ZNF227: variants seen among roughly 807,000 people sequenced by gnomAD.
ZNF227 encodes the protein zinc finger protein 227.
In ZNF227, 12 loss-of-function variants were observed where a neutral mutation model predicts 13.2. The ratio of observed to expected loss-of-function variants is 0.91; its 90% CI spans 0.58 to 1.47. The LOEUF (loss-of-function observed/expected upper bound fraction) is 1.47. Ranked by LOEUF, ZNF227 falls within the 40% of genes most tolerant of loss-of-function variation. The pLI, the probability that ZNF227 is intolerant of heterozygous loss-of-function variation, is 0.00. For synonymous variants in ZNF227, 338 were observed against 326.0 expected, an observed-to-expected ratio of 1.04 and a Z score of -0.40; for missense variants, 885 against 967.5, an observed-to-expected ratio of 0.91 and a Z score of 1.13.
chr19:44,230,953 A>ATC (rs1568610112), intron 5 of ZNF227, among the ~76,000 whole-genome samples: 2 of 129,208 alleles, frequency 1.5e-5, no homozygotes, highest in African/African-American at 3.1e-5. Context: ...ATATATATAT[A>ATC]TCTTAGCCAG....
At chr19:44,217,164 G>A (rs899843502) in intron 2 of ZNF227, among the ~76,000 whole-genome samples, 6 of 151,910 alleles carry the variant, frequency 3.9e-5, no homozygotes, top group Admixed American at 6.6e-5. Context: ...AGGTTTTGCC[G>A]TGTTGGCCAG....
upstream of ZNF227, among the ~76,000 whole-genome samples, chr19:44,208,794 G>A (rs1002453449): frequency 1.3e-5 from 2 of 152,186 alleles, no homozygotes; most frequent in Admixed American, 6.5e-5. Flanking sequence ...GGTTTGGAAG[G>A]TGATCTGGGG....
intron 3 of ZNF227, among the ~76,000 whole-genome samples, chr19:44,220,303 G>A (rs528796067): frequency 1.3e-5 from 2 of 152,170 alleles, no homozygotes; most frequent in South Asian, 2.1e-4. Context: ...CCAGTAATGG[G>A]ATGGCTGGGT....
upstream of ZNF227, among the ~76,000 whole-genome samples, chr19:44,212,367 T>TC (rs1971419438): frequency 9.5e-6 from 1 of 104,808 alleles, no homozygotes; most frequent in African/African-American, 4.7e-5. Flanking sequence ...GCTCGCTCCG[T>TC]TTTTTTTTTT....
chr19:44,228,661 T>A (rs774918619), intron 4 of ZNF227, 89 bp downstream of exon 4: 1 of 1,353,760 alleles, frequency 7.4e-7, no homozygotes, highest in Admixed American at 2.8e-5. Context: ...CCTTTTAAAA[T>A]GGTTCTTTGC....
Position 44,236,129 on chromosome 19 carries a change from C to G in ZNF227, c.1699C>G (p.Gln567Glu). ...FSYSSNLKLH[Q>E]VIHTGEKPYK... ...TTATAGTTCAAATCTTAAACTACAC[C>G]AAGTAATTCACACTGGAGAAAAACC... Residue 567 changes from glutamine to glutamate, a missense_variant, in exon 6 of 6, where the codon CAA becomes GAA. Gln to Glu is a conservative substitution (Grantham distance 29). Transcript: ENST00000313040. 6.2e-7 allele frequency: 1 copy of G among 1,613,958 alleles called. No homozygotes were observed. The highest frequency in any genetic ancestry group is 8.5e-7 in the Non-Finnish European group (1 of 1,179,974).
chr19:44,234,880 G>A lies in ZNF227; in HGVS notation c.450G>A (p.Glu150=), dbSNP rs770283897. 6.2e-7 allele frequency: 1 copy of A among 1,613,382 alleles called. No homozygotes were observed. Among genetic ancestry groups the A allele is most frequent in the South Asian group, 1.1e-5 (1 of 90,776 alleles). ...QGDSIQVSEN[E]NNIMNPKGDS... is the part of the protein sequence containing the mutation. Reference sequence around the variant, plus strand: ...ACTCTATTCAGGTTTCTGAAAATGAGAACAATATAATGAACCCTAAAGGAG... The same window carrying A: ...ACTCTATTCAGGTTTCTGAAAATGAAAACAATATAATGAACCCTAAAGGAG... The change falls in exon 6 of 6, where the codon GAG becomes GAA. Residue 150 remains glutamate (E), a synonymous_variant. Coordinates refer to ENST00000313040, the MANE Select transcript of ZNF227 (RefSeq NM_182490.3).
At chr19:44,230,908 C>CAAAAAAAAAAA (rs561975781) in intron 5 of ZNF227, among the ~76,000 whole-genome samples, 1 of 57,110 alleles carries the variant, frequency 1.8e-5, no homozygotes, top group African/African-American at 1.5e-4. Context: ...TCCATCTCTA[C>CAAAAAAAAAAA]AAAAAAAAAA....
chr19:44,228,907 A>G (rs897169823), intron 4 of ZNF227: 1 of 357,078 alleles, frequency 2.8e-6, no homozygotes, highest in Non-Finnish European at 5.0e-6. Context: ...TGCACAGGAC[A>G]GTGCCCCCAA....
intron 3 of ZNF227, among the ~76,000 whole-genome samples, chr19:44,218,096 C>G (rs1972084542): frequency 2.0e-5 from 3 of 152,050 alleles, no homozygotes; most frequent in African/African-American, 2.4e-5. Flanking sequence ...TATGAACTAG[C>G]TTTTTTCATT....
Position 44,217,868 on chromosome 19 carries a change from C to T in ZNF227, c.60+16C>T, listed in dbSNP as rs763544516. 5 of 1,612,628 alleles carry T rather than the reference C, an allele frequency of 3.1e-6. No individual in the cohort carries two copies. The highest frequency in any genetic ancestry group is 4.2e-6 in the Non-Finnish European group (5 of 1,179,000). On this transcript the variant is annotated intron_variant, in intron 3 of 5. Coordinates refer to ENST00000313040, the MANE Select transcript of ZNF227 (RefSeq NM_182490.3). ...CAAGTTTCAGGTACGTAAAGGATTC[C>T]TTGCTGTCTTTTAAAATGTGATTTA...
intron 3 of ZNF227, among the ~76,000 whole-genome samples, chr19:44,220,864 TG>T (rs1444165215): frequency 6.6e-6 from 1 of 151,528 alleles, no homozygotes; most frequent in Non-Finnish European, 1.5e-5. Context: ...TGTGTCCATG[TG>T]TTCTCATTGT....
At chr19:44,224,169 G>A (rs1972850762) in intron 3 of ZNF227, among the ~76,000 whole-genome samples, 1 of 152,170 alleles carries the variant, frequency 6.6e-6, no homozygotes, top group African/African-American at 2.4e-5. Context: ...TACATTTGCT[G>A]AGGAGAGCTT....
intron 3 of ZNF227, chr19:44,227,156 T>C (rs912740363): frequency 3.3e-5 from 5 of 152,238 alleles, no homozygotes; most frequent in Non-Finnish European, 7.3e-5. Flanking sequence ...TTATTGAGCA[T>C]GTATGGTGTG....
upstream of ZNF227, among the ~76,000 whole-genome samples, chr19:44,208,802 G>C (rs1397680706): frequency 6.6e-6 from 1 of 152,078 alleles, no homozygotes; most frequent in East Asian, 1.9e-4. Context: ...AGGTGATCTG[G>C]GGCTTTAGAG....
Position 44,217,825 on chromosome 19 carries a change from G to A in ZNF227, c.33G>A (p.Lys11=). Residue 11 remains lysine, a synonymous_variant, in exon 3 of 6, where the codon AAG becomes AAA. Coordinates refer to ENST00000313040, the MANE Select transcript of ZNF227 (RefSeq NM_182490.3). MPSQNYDLPQ[K]KQEKMTKFQE... ...CTCAGAACTATGACCTTCCCCAGAA[G>A]AAGCAGGAGAAAATGACCAAGTTTC... is the stretch of plus-strand genomic sequence containing the variant. 3 of 1,614,228 alleles carry A rather than the reference G, an allele frequency of 1.9e-6. No individual in the cohort carries two copies. The highest frequency in any genetic ancestry group is 2.5e-6 in the Non-Finnish European group (3 of 1,180,034).
At chr19:44,232,704 G>A (rs1019994842) in intron 5 of ZNF227, among the ~76,000 whole-genome samples, 8 of 149,994 alleles carry the variant, frequency 5.3e-5, no homozygotes, top group East Asian at 3.9e-4. Flanking sequence ...GTCATGCTCC[G>A]TCGTCCAGGC....
chr19:44,217,394 T>A, intron 2 of ZNF227: 1 of 468,002 alleles, frequency 2.1e-6, no homozygotes, highest in South Asian at 1.5e-5. Context: ...CGATTTATGA[T>A]TCTTACCATA....
Position 44,236,639 on chromosome 19 carries a change from G to A in ZNF227, c.2209G>A (p.Val737Ile), listed in dbSNP as rs569068418. 1 of 1,613,864 alleles carries A rather than the reference G, an allele frequency of 6.2e-7. No homozygotes were observed. The highest frequency in any genetic ancestry group is 1.1e-5 in the South Asian group (1 of 91,062). Residue 737 changes from valine (V) to isoleucine (I), a missense_variant, in exon 6 of 6, where the codon GTT becomes ATT. Transcript: ENST00000313040. ...CTCAAATCTTCGAGTCCACCTGGGT[G>A]TTCACACCAGGGAAAAACTCTTTAA... is the stretch of plus-strand genomic sequence containing the variant. ...LPSNLRVHLG[V>I]HTREKLFKCE...
Sources: allele counts gnomAD v4.1 joint callset (sites outside exome capture counted in the v4.1 genomes callset), GRCh38; gene constraint gnomAD v4.1.1; transcripts MANE v1.5; gene names NCBI Gene and HGNC (gene_info 2026-07-23, HGNC 2026-07-21).